Variants in TTYH1 observed in about 807,000 individuals in gnomAD.
TTYH1 encodes the protein tweety family member 1.
TTYH1 carries 33 observed loss-of-function variants against 61.2 expected under a neutral mutation model. That is an observed-to-expected ratio of 0.54 (90% CI 0.41 to 0.72). The LOEUF (loss-of-function observed/expected upper bound fraction) is 0.72. Among genes scored for constraint, TTYH1 ranks in the 30% least tolerant of loss-of-function variants. The pLI, the probability that TTYH1 is intolerant of heterozygous loss-of-function variation, is 0.00. For synonymous variants in TTYH1, 308 were observed against 266.4 expected, an observed-to-expected ratio of 1.16 and a Z score of -1.52; for missense variants, 538 against 575.8, an observed-to-expected ratio of 0.93 and a Z score of 0.67.
At chr19:54,427,257 C>G (rs2083340168) in intron 5 of TTYH1, among the ~76,000 whole-genome samples, 1 of 82,958 alleles carries the variant, frequency 1.2e-5, no homozygotes, top group African/African-American at 4.7e-5. Flanking sequence ...AGATCACACA[C>G]CATTGCACTC....
At position 54,419,235 on chromosome 19, in the gene TTYH1, C is replaced by CG. The variant is rs1569251401; in HGVS notation, c.237dup (p.Ser80ValfsTer35). The CG allele has an allele frequency of 2.5e-6, 4 of 1,609,168 alleles. No individual in the cohort carries two copies. The highest frequency in any genetic ancestry group is 3.4e-6 in the Non-Finnish European group (4 of 1,179,800). ...GCTGCTGCCGGCCCCCCGAGCCCCC[C>CG]GGGTCCAAGATCCCCTCGCCCGGGG... On this transcript the variant is annotated frameshift_variant, in exon 2 of 14. Coordinates refer to ENST00000376530, the MANE Select transcript of TTYH1 (RefSeq NM_020659.4). LOFTEE classifies it high-confidence loss of function. The surrounding 1 kb of genome is among the most constrained non-coding windows in gnomAD (Gnocchi z 6.1).
Position 54,430,602 on chromosome 19 carries a change from A to G in TTYH1, c.936A>G (p.Gln312=), listed in dbSNP as rs2083417560. 2 of 1,595,736 alleles carry G rather than the reference A, an allele frequency of 1.3e-6. No homozygotes were observed. Among genetic ancestry groups the G allele is most frequent in the Non-Finnish European group, 1.7e-6 (2 of 1,170,426 alleles). The change falls in exon 8 of 14, where the codon CAA becomes CAG. Residue 312 remains glutamine, a synonymous_variant. Coordinates refer to ENST00000376530, the MANE Select transcript of TTYH1 (RefSeq NM_020659.4). The part of the protein sequence containing the change: ...LCNRAVSNPF[Q]QRLTLSQRAL... Reference sequence around the variant, plus strand: ...ACCGGGCCGTCTCCAACCCCTTCCAACAGGTTAGGGCTGCGGGCAGGGGAA... The same window carrying G: ...ACCGGGCCGTCTCCAACCCCTTCCAGCAGGTTAGGGCTGCGGGCAGGGGAA...
Position 54,436,517 on chromosome 19 carries a change from G to T in TTYH1, c.*227G>T. The T allele has an allele frequency of 1.2e-6, 1 of 868,368 alleles. No homozygotes were observed. Among genetic ancestry groups the T allele is most frequent in the Non-Finnish European group, 1.8e-6 (1 of 544,730 alleles). The allele number at this position is 868,368 out of a possible 1,614,324, so 53.8% of individuals were successfully genotyped here. A position where few individuals can be genotyped will look rare whatever the true frequency, so the allele number is the denominator to read the frequency against. ...AGACTAGGGAGTAGGGCTGGCAGGG[G>T]AGGGGGCAGACAGCCTCGCCTCGCA... On this transcript the variant is annotated 3_prime_UTR_variant, in exon 14 of 14. Coordinates refer to ENST00000376530, the MANE Select transcript of TTYH1 (RefSeq NM_020659.4). The surrounding 1 kb of genome is among the most constrained non-coding windows in gnomAD (Gnocchi z 4.3).
At chr19:54,430,956 CGGGGCGGGATGGAGCTGT>C in intron 9 of TTYH1, 51 bp downstream of exon 9, 3 of 1,403,876 alleles carry the variant, frequency 2.1e-6, no homozygotes, top group Non-Finnish European at 2.9e-6. Context: ...GGAAGGCGGA[CGGGGCGGGATGGAGCTGT>C]GGGGCGTAGG....
rs1246491829 is a variant in TTYH1, at chr19:54,429,405, G to T, written c.807+26G>T. ...GTGAGTGCCAGGGCCGGGCCATTGG[G>T]CTCTGGGACTCAGGGGGCCTGGAGA... is the stretch of plus-strand genomic sequence containing the variant. On this transcript the variant is annotated intron_variant, in intron 6 of 13. Transcript: ENST00000376530. This position sits in a 1 kb window ranked among gnomAD's most constrained non-coding sequence, Gnocchi z 5.1. The T allele has an allele frequency of 4.4e-6, 7 of 1,608,990 alleles. No individual in the cohort carries two copies. Among genetic ancestry groups the T allele is most frequent in the African/African-American group, 1.3e-5 (1 of 74,838 alleles).
intron 4 of TTYH1, among the ~76,000 whole-genome samples, chr19:54,422,923 C>A: frequency 2.4e-5 from 2 of 84,672 alleles, no homozygotes; most frequent in Admixed American, 1.6e-4. Context: ...AGTGAGACTC[C>A]ATCTCAAAAA....
chr19:54,416,947 C>T lies in TTYH1; in HGVS notation c.126+1269C>T. The T allele has an allele frequency of 1.6e-6, 2 of 1,253,006 alleles. No individual in the cohort carries two copies. The highest frequency in any genetic ancestry group is 2.1e-6 in the Non-Finnish European group (2 of 970,604). The allele number at this position is 1,253,006 out of a possible 1,614,324, so 77.6% of individuals were successfully genotyped here. A position where few individuals can be genotyped will look rare whatever the true frequency, so the allele number is the denominator to read the frequency against. On this transcript the variant is annotated intron_variant, in intron 1 of 13. Transcript: ENST00000376530. The surrounding 1 kb of genome is among the most constrained non-coding windows in gnomAD (Gnocchi z 7.0). Reference sequence around the variant, plus strand: ...GAGGCACGGGTTTGGGGGAGCCTCACTCCGCCCCCACGGTCGGGGGTCAGG... The same window carrying T: ...GAGGCACGGGTTTGGGGGAGCCTCATTCCGCCCCCACGGTCGGGGGTCAGG...
rs2083055768 is a variant in TTYH1 at position 54,415,473 on chromosome 19, C to T, written c.-80C>T. 1 of 1,268,466 alleles carries T rather than the reference C, an allele frequency of 7.9e-7. No homozygotes were observed. The highest frequency in any genetic ancestry group is 9.9e-7 in the Non-Finnish European group (1 of 1,008,966). The allele number at this position is 1,268,466 out of a possible 1,614,324, so 78.6% of individuals were successfully genotyped here. The stretch of plus-strand genomic sequence containing the variant: ...CCGCTCCCCTGAGCCCAGCCAGACC[C>T]CGCGCCGCCCGCGCCCCGCTCGACT... On this transcript the variant is annotated 5_prime_UTR_variant, in exon 1 of 14. Coordinates refer to ENST00000376530, the MANE Select transcript of TTYH1 (RefSeq NM_020659.4). This position sits in a 1 kb window ranked among gnomAD's most constrained non-coding sequence, Gnocchi z 5.2.
At chr19:54,430,988 G>A in intron 9 of TTYH1, 83 bp downstream of exon 9, 1 of 1,538,758 alleles carries the variant, frequency 6.5e-7, no homozygotes, top group Non-Finnish European at 8.9e-7. Context: ...GCGTAGGCGG[G>A]GCTGCAGAGC....
At chr19:54,418,623 G>A (rs1227967511) in intron 1 of TTYH1, 1 of 154,454 alleles carries the variant, frequency 6.5e-6, no homozygotes, top group African/African-American at 2.4e-5. Flanking sequence ...GCTGTGGGGT[G>A]TAGCGCTCAG....
chr19:54,422,157 C>T lies in TTYH1; in HGVS notation c.418-33C>T, dbSNP rs3745430. 114 of 1,515,304 alleles carry T rather than the reference C, an allele frequency of 7.5e-5. No homozygotes were observed. In the East Asian group the frequency reaches 2.7e-3, roughly 36 times the overall value. The allele number at this position is 1,515,304 out of a possible 1,614,324, so 93.9% of individuals were successfully genotyped here. A position where few individuals can be genotyped will look rare whatever the true frequency, so the allele number is the denominator to read the frequency against. ...CGACCGCGGGCTCCCCCCAGGATGT[C>T]CTTCCAGACCTCAGCCCCTGTCCTA... On this transcript the variant is annotated intron_variant, in intron 3 of 13. Coordinates refer to ENST00000376530, the MANE Select transcript of TTYH1 (RefSeq NM_020659.4).
chr19:54,422,608 G>A (rs548440768), intron 4 of TTYH1, among the ~76,000 whole-genome samples, 198 bp downstream of exon 4: 1 of 152,188 alleles, frequency 6.6e-6, no homozygotes, highest in Admixed American at 6.5e-5. Flanking sequence ...CCCATTGGCA[G>A]GGAATGATCC....
intron 10 of TTYH1, chr19:54,431,497 TCTCTC>T: frequency 2.3e-6 from 1 of 438,170 alleles, no homozygotes; most frequent in Non-Finnish European, 4.1e-6. Context: ...TTCCTTGTCT[TCTCTC>T]CTCTCTCCGT....
intron 4 of TTYH1, among the ~76,000 whole-genome samples, chr19:54,424,040 A>C (rs1032144366): frequency 3.6e-4 from 55 of 152,156 alleles, no homozygotes; most frequent in Admixed American, 1.3e-4. Context: ...GGGCGCCTGT[A>C]GTCCCAGCTA....
chr19:54,423,797 C>T (rs905338453), intron 4 of TTYH1, among the ~76,000 whole-genome samples: 9 of 152,092 alleles, frequency 5.9e-5, no homozygotes, highest in East Asian at 1.9e-4. Flanking sequence ...CTGCGTCCTC[C>T]GGGGGGAACC....
At chr19:54,422,141 G>A in intron 3 of TTYH1, 49 bp from the exon 4 acceptor site, 2 of 1,479,878 alleles carry the variant, frequency 1.4e-6, no homozygotes, top group Non-Finnish European at 9.1e-7. Flanking sequence ...TCGACCGCGG[G>A]CTCCCCCCAG....
chr19:54,429,061 C>A lies in TTYH1; in HGVS notation c.735-246C>A, dbSNP rs530335097. 2.4e-4 allele frequency among the ~76,000 whole-genome samples: 36 copies of A among 152,240 alleles called. No individual in the cohort carries two copies. The highest frequency in any genetic ancestry group is 2.3e-3 in the South Asian group (11 of 4,826). ...CCTGGAGCTGGGATCCAAGCTGCGA[C>A]CACCCAGCCCAGGGCCCTGCTCATA... On this transcript the variant is annotated intron_variant, in intron 5 of 13. Coordinates refer to ENST00000376530, the MANE Select transcript of TTYH1 (RefSeq NM_020659.4). The surrounding 1 kb of genome is among the most constrained non-coding windows in gnomAD (Gnocchi z 5.1).
At chr19:54,425,242 C>G (rs1050647677) in intron 4 of TTYH1, among the ~76,000 whole-genome samples, 2 of 152,080 alleles carry the variant, frequency 1.3e-5, no homozygotes, top group East Asian at 3.9e-4. Context: ...GGCGGGTCTG[C>G]GACGGCGGCA....
intron 9 of TTYH1, 60 bp downstream of exon 9, chr19:54,430,965 A>G: frequency 2.9e-6 from 4 of 1,401,248 alleles, no homozygotes; most frequent in Non-Finnish European, 3.8e-6. Flanking sequence ...ACGGGGCGGG[A>G]TGGAGCTGTG....
Sources: allele counts gnomAD v4.1 joint callset (sites outside exome capture counted in the v4.1 genomes callset), GRCh38; gene constraint gnomAD v4.1.1; non-coding constraint Gnocchi (gnomAD v3.1); transcripts MANE v1.5; gene names NCBI Gene and HGNC (gene_info 2026-07-23, HGNC 2026-07-21).